NTM: variants seen among roughly 807,000 people sequenced by gnomAD.
NTM encodes IgLON family member 2.
Under a neutral mutation model 42.1 loss-of-function variants are expected in NTM, and 13 were observed. The observed-to-expected ratio is 0.31, with a 90% confidence interval of 0.20 to 0.49. The LOEUF is 0.49. Ranked by LOEUF, NTM falls within the 20% of genes least tolerant of loss-of-function variation. The pLI, the probability that NTM is intolerant of heterozygous loss-of-function variation, is 0.99. For synonymous variants in NTM, 187 were observed against 179.2 expected, an observed-to-expected ratio of 1.04 and a Z score of -0.35; for missense variants, 373 against 452.8, an observed-to-expected ratio of 0.82 and a Z score of 1.60.
chr11:132,216,770 GCA>G lies in NTM; in HGVS notation c.526+4624_526+4625del, dbSNP rs569967001. Among the ~76,000 whole-genome samples the G allele has an allele frequency of 3.1e-3, 479 of 152,332 alleles. 2 individuals carry two copies. Among genetic ancestry groups the G allele is most frequent in the African/African-American group, 0.011 (456 of 41,558 alleles). On this transcript the variant is annotated intron_variant, in intron 4 of 8. Transcript: ENST00000683400. ...TGATATTTGCCAATGCCCCAAAGAGGCATGCCTGTTCTCCCAGTTCAAAGACT... is the reference window on the plus strand; with the variant it reads ...TGATATTTGCCAATGCCCCAAAGAGGTGCCTGTTCTCCCAGTTCAAAGACT...
intron 1 of NTM, among the ~76,000 whole-genome samples, chr11:131,646,650 GT>G (rs965197741): frequency 6.6e-6 from 1 of 151,524 alleles, no homozygotes; most frequent in African/African-American, 2.4e-5. Context: ...ACTTAGAATC[GT>G]TTTTTTTCAA....
At chr11:131,792,406 A>T (rs989929468) in intron 1 of NTM, among the ~76,000 whole-genome samples, 2 of 152,082 alleles carry the variant, frequency 1.3e-5, no homozygotes, top group African/African-American at 4.8e-5. Flanking sequence ...CTGACACTCC[A>T]GGTTTGAATT....
intron 2 of NTM, among the ~76,000 whole-genome samples, chr11:131,915,682 C>A (rs980983544): frequency 6.6e-6 from 1 of 152,170 alleles, no homozygotes; most frequent in Non-Finnish European, 1.5e-5. Flanking sequence ...AATGGACTCA[C>A]AGTTCCACGT....
intron 1 of NTM, among the ~76,000 whole-genome samples, chr11:131,462,606 G>A (rs1382460819): frequency 6.6e-6 from 1 of 152,234 alleles, no homozygotes; most frequent in Non-Finnish European, 1.5e-5. Context: ...CCTCTTCCTT[G>A]GTTGAGAGTG....
chr11:131,889,525 T>G (rs887594758), intron 1 of NTM, among the ~76,000 whole-genome samples: 1 of 152,130 alleles, frequency 6.6e-6, no homozygotes, highest in African/African-American at 2.4e-5. Context: ...GCCCAGTGTG[T>G]GGGCCTTTAA....
intron 1 of NTM, among the ~76,000 whole-genome samples, chr11:131,523,595 C>G (rs1354363415): frequency 6.6e-6 from 1 of 151,892 alleles, no homozygotes; most frequent in African/African-American, 2.4e-5. Context: ...TCAGGGCCAG[C>G]CTGGCCAACA....
chr11:131,415,712 A>G (rs1278127906), intron 1 of NTM, among the ~76,000 whole-genome samples: 1 of 152,200 alleles, frequency 6.6e-6, no homozygotes, highest in Non-Finnish European at 1.5e-5. Context: ...GGTGAGGCCC[A>G]GAAATCTGTA....
chr11:131,789,685 G>A lies in NTM; in HGVS notation c.83-121879G>A, dbSNP rs533252834. Among the ~76,000 whole-genome samples, 51 of 150,236 alleles carry A rather than the reference G, an allele frequency of 3.4e-4. 1 individual carries two copies. The highest frequency in any genetic ancestry group is 1.0e-3 in the African/African-American group (41 of 41,162). On this transcript the variant is annotated intron_variant, in intron 1 of 8. Transcript: ENST00000683400. ...GAAGAAGAAAGCATGGGCCGGGGGC[G>A]GTGGCTCTCGCCTGTAATCCCAGCA...
intron 4 of NTM, among the ~76,000 whole-genome samples, chr11:132,262,187 C>T (rs969414266): frequency 2.6e-5 from 4 of 152,200 alleles, no homozygotes; most frequent in African/African-American, 4.8e-5. Context: ...AGGGCAGTAG[C>T]CCCTTCCACC....
intron 3 of NTM, among the ~76,000 whole-genome samples, chr11:132,180,270 A>T (rs1474859263): frequency 6.6e-6 from 1 of 152,152 alleles, no homozygotes; most frequent in Non-Finnish European, 1.5e-5. Context: ...GATGTTGGAG[A>T]TGATTAGTGA....
At chr11:131,733,463 TTTCCTTCCTTCCTTCCTTCCTTCCTTCC>T (rs555056062) in intron 1 of NTM, among the ~76,000 whole-genome samples, 2 of 112,614 alleles carry the variant, frequency 1.8e-5, no homozygotes, top group Non-Finnish European at 3.6e-5. Context: ...TCCTTCCTTC[TTTCCTTCCTTCCTTCCTTCCTTCCTTCC>T]TTCCTTCCTT....
intron 4 of NTM, among the ~76,000 whole-genome samples, chr11:132,253,380 A>T (rs552739980): frequency 6.6e-6 from 1 of 152,348 alleles, no homozygotes; most frequent in East Asian, 1.9e-4. Context: ...CCAGGATTTC[A>T]TCCAAGGTCT....
At chr11:131,377,667 G>A (rs1408517106) in intron 1 of NTM, among the ~76,000 whole-genome samples, 1 of 152,188 alleles carries the variant, frequency 6.6e-6, no homozygotes, top group African/African-American at 2.4e-5. Flanking sequence ...GGAATACAGT[G>A]TTTTGGGCGT....
At chr11:132,134,483 C>T (rs2067388451) in intron 2 of NTM, among the ~76,000 whole-genome samples, 1 of 151,604 alleles carries the variant, frequency 6.6e-6, no homozygotes, top group African/African-American at 2.4e-5. Context: ...CCACCCCTGA[C>T]CTTTTTCCCT....
At chr11:131,564,443 G>A (rs111331025) in intron 1 of NTM, among the ~76,000 whole-genome samples, 1 of 146,266 alleles carries the variant, frequency 6.8e-6, no homozygotes, top group Non-Finnish European at 1.5e-5. Flanking sequence ...GGGTGGGTAG[G>A]GGGAGAGAGA....
intron 7 of NTM, chr11:132,317,594 T>G: frequency 1.1e-6 from 1 of 948,480 alleles, no homozygotes; most frequent in African/African-American, 1.7e-5. Flanking sequence ...TATATAGCAC[T>G]GTATATAATA....
intron 2 of NTM, among the ~76,000 whole-genome samples, chr11:131,986,260 A>G (rs2066053629): frequency 6.6e-6 from 1 of 152,190 alleles, no homozygotes; most frequent in South Asian, 2.1e-4. Flanking sequence ...GGCTGTTCAC[A>G]TGAAATAGCA....
chr11:131,401,822 A>G (rs868446622), intron 1 of NTM, among the ~76,000 whole-genome samples: 11 of 57,850 alleles, frequency 1.9e-4, no homozygotes, highest in African/African-American at 7.1e-4. Context: ...ATATATATAT[A>G]TATATATATA....
intron 1 of NTM, among the ~76,000 whole-genome samples, chr11:131,754,445 C>T (rs12793419): frequency 0.2 from 31,045 of 151,788 alleles, 4,606 homozygotes; most frequent in African/African-American, 0.42. Flanking sequence ...GCCAACATGG[C>T]GAAACCCCGT....
Sources: allele counts gnomAD v4.1 joint callset (sites outside exome capture counted in the v4.1 genomes callset), GRCh38; gene constraint gnomAD v4.1.1; transcripts MANE v1.5; gene names NCBI Gene and HGNC (gene_info 2026-07-23, HGNC 2026-07-21).